IL2RB: variants seen among roughly 807,000 people sequenced by gnomAD.
The protein encoded by IL2RB is interleukin 2 receptor subunit beta.
Under a neutral mutation model 44.2 loss-of-function variants are expected in IL2RB, and 17 were observed. The ratio of observed to expected loss-of-function variants is 0.38; its 90% confidence interval spans 0.26 to 0.58. IL2RB has a LOEUF of 0.58. Among genes scored for constraint, IL2RB ranks in the 20% least tolerant of loss-of-function variants. IL2RB has a pLI of 0.63. For synonymous variants in IL2RB, 286 were observed against 297.9 expected, an observed-to-expected ratio of 0.96 and a Z score of 0.41; for missense variants, 624 against 685.5, an observed-to-expected ratio of 0.91 and a Z score of 1.00.
chr22:37,128,897 T>C lies in IL2RB; in HGVS notation c.904-49A>G. The C allele has an allele frequency of 6.5e-7, 1 of 1,545,098 alleles. No homozygotes were observed. Among genetic ancestry groups the C allele is most frequent in the Non-Finnish European group, 8.7e-7 (1 of 1,142,868 alleles). ...GGGTGAGTGGGGGCTTCCTTCACCCTCCACCCCTTCCTCTGGACTCTCAAC... is the reference window on the plus strand; with the variant it reads ...GGGTGAGTGGGGGCTTCCTTCACCCCCCACCCCTTCCTCTGGACTCTCAAC... On this transcript the variant is annotated intron_variant, in intron 9 of 9. Transcript: ENST00000216223. This position sits in a 1 kb window ranked among gnomAD's most constrained non-coding sequence, Gnocchi z 4.5.
intron 2 of IL2RB, among the ~76,000 whole-genome samples, 196 bp downstream of exon 2, chr22:37,143,889 G>A (rs1018284820): frequency 2.8e-5 from 2 of 70,732 alleles, no homozygotes; most frequent in Admixed American, 1.5e-4. Context: ...AGAGGCGTGT[G>A]TGTGTGTGTG....
At chr22:37,132,817 G>T (rs1488488944) in intron 8 of IL2RB, among the ~76,000 whole-genome samples, 1 of 152,240 alleles carries the variant, frequency 6.6e-6, no homozygotes. Flanking sequence ...AGCCAGAGTG[G>T]TCAGGGACGG....
chr22:37,149,922 C>T, upstream of IL2RB: 1 of 985,430 alleles, frequency 1.0e-6, no homozygotes, highest in Non-Finnish European at 1.2e-6. Context: ...GCTCTGGCTG[C>T]TGGGGCCGCA....
intron 1 of IL2RB, among the ~76,000 whole-genome samples, chr22:37,164,500 A>AG (rs1922999454): frequency 8.8e-5 from 1 of 11,370 alleles, no homozygotes; most frequent in East Asian, 1.2e-3. Context: ...GGTGGTGGGC[A>AG]GGGGGGATGG....
At position 37,128,006 on chromosome 22, in the gene IL2RB, C is replaced by T. The variant is rs1197625060; in HGVS notation, c.*90G>A. 7.2e-6 allele frequency: 8 copies of T among 1,117,372 alleles called. No individual in the cohort carries two copies. Among genetic ancestry groups the T allele is most frequent in the Non-Finnish European group, 8.4e-6 (7 of 833,182 alleles). 69.2% of individuals were successfully genotyped at this position (1,117,372 alleles called of 1,614,324 possible). ...CCAGCTGCAACTGGACACTGAGTGT[C>T]CTCAGCAGTGGACTGAGGACCCTCA... On this transcript the variant is annotated 3_prime_UTR_variant, in exon 10 of 10. Transcript: ENST00000216223. The surrounding 1 kb of genome is among the most constrained non-coding windows in gnomAD (Gnocchi z 4.5).
intron 1 of IL2RB, among the ~76,000 whole-genome samples, chr22:37,146,431 C>A (rs867961944): frequency 9.2e-5 from 14 of 152,132 alleles, no homozygotes; most frequent in South Asian, 4.1e-4. Context: ...CAGGCCAAAG[C>A]ACACACACAC....
intron 1 of IL2RB, among the ~76,000 whole-genome samples, chr22:37,165,021 G>A (rs780176758): frequency 5.9e-5 from 9 of 152,240 alleles, no homozygotes; most frequent in South Asian, 4.1e-4. Context: ...CAAGCAACTC[G>A]AGTGTGCACA....
chr22:37,160,679 CAAA>C (rs10605445), intron 1 of IL2RB, among the ~76,000 whole-genome samples: 65,344 of 136,096 alleles, frequency 0.48, 15,628 homozygotes, highest in South Asian at 0.61. Flanking sequence ...CTGTCTATGC[CAAA>C]AAAAAAAAAA....
At chr22:37,170,486 C>T (rs1373482422) in intron 1 of IL2RB, among the ~76,000 whole-genome samples, 1 of 152,204 alleles carries the variant, frequency 6.6e-6, no homozygotes, top group East Asian at 1.9e-4. Context: ...GCGTGTCTGC[C>T]ACAGGGGAAG....
upstream of IL2RB, among the ~76,000 whole-genome samples, chr22:37,152,093 T>C (rs1922513008): frequency 6.6e-6 from 1 of 152,254 alleles, no homozygotes; most frequent in African/African-American, 2.4e-5. Context: ...TTATTTTTTC[T>C]ACTTCTGTGA....
chr22:37,164,982 A>G (rs1328449937), intron 1 of IL2RB, among the ~76,000 whole-genome samples: 1 of 152,050 alleles, frequency 6.6e-6, no homozygotes. Context: ...AGCCCTCCCG[A>G]GCCAGAATCT....
chr22:37,133,031 A>AGCTTTCT (rs1921508416), intron 8 of IL2RB, among the ~76,000 whole-genome samples: 1 of 152,218 alleles, frequency 6.6e-6, no homozygotes, highest in South Asian at 2.1e-4. Flanking sequence ...AGCTGTGTAC[A>AGCTTTCT]TCACCGTGAA....
chr22:37,145,657 G>A (rs969312196), intron 1 of IL2RB, among the ~76,000 whole-genome samples: 4 of 151,960 alleles, frequency 2.6e-5, no homozygotes, highest in African/African-American at 9.7e-5. Context: ...CAGGCAAAGG[G>A]GGAGGCAGGG....
chr22:37,149,799 C>T lies in IL2RB; in HGVS notation c.-34+26G>A, dbSNP rs1421505935. 9.2e-6 allele frequency: 9 copies of T among 973,452 alleles called. No individual in the cohort carries two copies. The Admixed American group carries it at 1.8e-4, about 20-fold the overall frequency. The allele number at this position is 973,452 out of a possible 1,614,324, so 60.3% of individuals were successfully genotyped here. A position where few individuals can be genotyped will look rare whatever the true frequency, so the allele number is the denominator to read the frequency against. On this transcript the variant is annotated intron_variant, in intron 1 of 9. Coordinates refer to ENST00000216223, the MANE Select transcript of IL2RB (RefSeq NM_000878.5). ...CAGCCCTCTGGCTGGTCCACAGGGG[C>T]CGGGAGGGAGGCAGGGGGACATCAC...
At chr22:37,132,767 A>G (rs1158080103) in intron 8 of IL2RB, among the ~76,000 whole-genome samples, 1 of 152,212 alleles carries the variant, frequency 6.6e-6, no homozygotes, top group Non-Finnish European at 1.5e-5. Flanking sequence ...ACAGTGCTAC[A>G]CAAGACGGGG....
rs1921086824 is a variant in IL2RB at position 37,125,870 on chromosome 22, C to G, written c.*2226G>C. 1.3e-5 allele frequency: 2 copies of G among 152,056 alleles called. No individual in the cohort carries two copies. The highest frequency in any genetic ancestry group is 4.8e-5 in the African/African-American group (2 of 41,384). The allele number at this position is 152,056 out of a possible 1,614,324, so 9.4% of individuals were successfully genotyped here. ...GCATTGTACTTATTTTGTACAGTTACCTTTTATTTATAGCGAAAATGGGTT... is the reference window on the plus strand; with the variant it reads ...GCATTGTACTTATTTTGTACAGTTAGCTTTTATTTATAGCGAAAATGGGTT... On this transcript the variant is annotated 3_prime_UTR_variant, in exon 10 of 10. Coordinates refer to ENST00000216223, the MANE Select transcript of IL2RB (RefSeq NM_000878.5).
chr22:37,135,425 T>G lies in IL2RB; in HGVS notation c.721A>C (p.Ile241Leu). 6.2e-7 allele frequency: 1 copy of G among 1,613,232 alleles called. No individual in the cohort carries two copies. The highest frequency in any genetic ancestry group is 8.5e-7 in the Non-Finnish European group (1 of 1,179,316). Residue 241 changes from isoleucine to leucine, a missense_variant, in exon 8 of 10, where the codon ATT becomes CTT. This residue lies in a region of IL2RB where 255 missense variants were observed against 339.9 expected (regional missense o/e 0.75). Coordinates refer to ENST00000216223, the MANE Select transcript of IL2RB (RefSeq NM_000878.5). ...TKPAALGKDT[I>L]PWLGHLLVGL... ...ACGAGGAGGTGGCCGAGCCACGGAA[T>G]GGTGTCCTTCCCAAGGGCTGCCCAG...
intron 1 of IL2RB, among the ~76,000 whole-genome samples, chr22:37,166,363 T>C (rs1432688961): frequency 7.2e-5 from 11 of 152,208 alleles, no homozygotes; most frequent in African/African-American, 2.7e-4. Flanking sequence ...CTGCGTGTGT[T>C]GTACACGGAG....
rs758554987 is a variant in IL2RB, at chr22:37,128,117, C to T, written c.1635G>A (p.Gln545=). 2 of 1,575,072 alleles carry T rather than the reference C, an allele frequency of 1.3e-6. No homozygotes were observed. The highest frequency in any genetic ancestry group is 1.7e-6 in the Non-Finnish European group (2 of 1,164,900). The part of the protein sequence containing the change: ...AYLSLQELQG[Q]DPTHLV ...CTGTCTACACCAAGTGAGTTGGGTC[C>T]TGACCCTGGAGTTCTTGGAGGGACA... The change falls in exon 10 of 10, where the codon CAG becomes CAA. Residue 545 remains glutamine (Q), a synonymous_variant. Coordinates refer to ENST00000216223, the MANE Select transcript of IL2RB (RefSeq NM_000878.5). The surrounding 1 kb of genome is among the most constrained non-coding windows in gnomAD (Gnocchi z 4.5).
Sources: gnomAD v4.1 joint callset for allele counts (sites outside exome capture counted in the v4.1 genomes callset) on GRCh38, gnomAD v4.1.1 for gene constraint, gnomAD v4.1.1 regional missense constraint, Gnocchi (gnomAD v3.1) non-coding constraint, MANE v1.5 for transcripts, NCBI Gene and HGNC (gene_info 2026-07-23, HGNC 2026-07-21) for gene names.